The following RNF34 variants were observed in gnomAD, a reference collection of about 807,000 sequenced individuals.
The protein encoded by RNF34 is E3 ubiquitin-protein ligase RNF34.
Under a neutral mutation model 37.9 loss-of-function variants are expected in RNF34, and 12 were observed. The ratio of observed to expected loss-of-function variants is 0.32; its 90% CI spans 0.20 to 0.51. RNF34 has a LOEUF of 0.51. Among genes scored for constraint, RNF34 ranks in the 20% least tolerant of loss-of-function variants. The pLI is 0.97. For synonymous variants in RNF34, 155 were observed against 177.2 expected, an observed-to-expected ratio of 0.87 and a Z score of 1.00; for missense variants, 362 against 472.7, an observed-to-expected ratio of 0.77 and a Z score of 2.17.
At chr12:121,409,104 C>T (rs1330648095) in intron 1 of RNF34, among the ~76,000 whole-genome samples, 5 of 152,038 alleles carry the variant, frequency 3.3e-5, no homozygotes, top group Admixed American at 6.6e-5. Flanking sequence ...CTCAGCCTCT[C>T]GAGTAGCTTG....
intron 1 of RNF34, among the ~76,000 whole-genome samples, chr12:121,403,212 C>G (rs112083066): frequency 2.3e-4 from 35 of 152,150 alleles, no homozygotes; most frequent in African/African-American, 8.4e-4. Flanking sequence ...CTGGCTAACA[C>G]AGTGAAACCC....
intron 1 of RNF34, among the ~76,000 whole-genome samples, chr12:121,408,127 A>G (rs11833355): frequency 0.19 from 29,051 of 152,002 alleles, 4,288 homozygotes; most frequent in African/African-American, 0.41. Flanking sequence ...GCAGCATATC[A>G]AGACCCCGTC....
intron 1 of RNF34, among the ~76,000 whole-genome samples, chr12:121,406,121 G>A (rs989816220): frequency 6.6e-6 from 1 of 152,070 alleles, no homozygotes; most frequent in African/African-American, 2.4e-5. Flanking sequence ...CAAATTGGAT[G>A]TGGAAAAAAG....
chr12:121,404,778 T>G (rs1870359057), intron 1 of RNF34: 1 of 152,206 alleles, frequency 6.6e-6, no homozygotes. Context: ...ATTAAAAGTT[T>G]AGGGTTGAAA....
At chr12:121,412,655 A>G (rs1313385857) in intron 1 of RNF34, among the ~76,000 whole-genome samples, 1 of 151,802 alleles carries the variant, frequency 6.6e-6, no homozygotes, top group Admixed American at 6.6e-5. Context: ...ATGAGATTAC[A>G]GATGTGAGCC....
At chr12:121,400,371 C>T (rs1555279852) in intron 1 of RNF34, among the ~76,000 whole-genome samples, 153 bp downstream of exon 1, 1 of 152,228 alleles carries the variant, frequency 6.6e-6, no homozygotes, top group South Asian at 2.1e-4. Context: ...TTCAGGTGCC[C>T]CAACCGAGCC....
At chr12:121,400,912 C>G (rs183699148) in intron 1 of RNF34, among the ~76,000 whole-genome samples, 66 of 152,296 alleles carry the variant, frequency 4.3e-4, no homozygotes, top group Middle Eastern at 3.4e-3. Flanking sequence ...CGGCCTACTT[C>G]TGAGAGATGA....
At chr12:121,419,274 C>A (rs1442839662) in intron 3 of RNF34, among the ~76,000 whole-genome samples, 1 of 152,218 alleles carries the variant, frequency 6.6e-6, no homozygotes, top group East Asian at 1.9e-4. Flanking sequence ...CGGCCATGCC[C>A]TATAGCCTAG....
intron 5 of RNF34, among the ~76,000 whole-genome samples, chr12:121,421,910 T>C (rs1872202264): frequency 6.6e-6 from 1 of 152,198 alleles, no homozygotes; most frequent in Non-Finnish European, 1.5e-5. Flanking sequence ...ACAGCATTTG[T>C]TGATGAACAG....
At chr12:121,409,484 G>C (rs1870844563) in intron 1 of RNF34, 2 of 152,376 alleles carry the variant, frequency 1.3e-5, no homozygotes, top group South Asian at 4.1e-4. Context: ...TGTCCCAGCT[G>C]AAACAGTGTA....
chr12:121,418,812 G>C (rs534393092), intron 3 of RNF34: 10 of 152,106 alleles, frequency 6.6e-5, no homozygotes, highest in Admixed American at 6.6e-4. Flanking sequence ...CCTCTGCCCC[G>C]CTGGGTTCAA....
At chr12:121,418,128 CA>C in intron 3 of RNF34, 1 of 557,570 alleles carries the variant, frequency 1.8e-6, no homozygotes. Flanking sequence ...TGAAGGGTCC[CA>C]AAATAGCTCA....
chr12:121,400,179 TG>T lies in RNF34; in HGVS notation c.-32del. 2 of 1,606,340 alleles carry T rather than the reference TG, an allele frequency of 1.2e-6. No homozygotes were observed. Among genetic ancestry groups the T allele is most frequent in the Non-Finnish European group, 8.5e-7 (1 of 1,178,268 alleles). ...GGAGCTGCTATGGTGCTGAGTTTCC[TG>T]GTAGAGCCGGCCGAGCTGAGGCGGT... On this transcript the variant is annotated 5_prime_UTR_variant, in exon 1 of 6. It introduces an in-frame stop codon into an upstream open reading frame of the 5' UTR. Transcript: ENST00000361234.
chr12:121,418,251 G>A (rs893609807), intron 3 of RNF34: 3 of 217,030 alleles, frequency 1.4e-5, no homozygotes, highest in Non-Finnish European at 2.7e-5. Context: ...ATGTGTTAGT[G>A]CACGTGTTTC....
intron 1 of RNF34, among the ~76,000 whole-genome samples, chr12:121,403,423 A>G (rs1870195716): frequency 6.6e-6 from 1 of 152,130 alleles, no homozygotes; most frequent in African/African-American, 2.4e-5. Context: ...ACAAAAAAAA[A>G]AAAGGATAAA....
rs1871701785 is a variant in RNF34, at chr12:121,417,700, A to G, written c.422A>G (p.Glu141Gly). ...CCCATAGATACTTGTCGTGAGAAAG[A>G]AGACTTGGTGGATCTAGTACTGTGC... ...NIPIDTCREK[E>G]DLVDLVLCHH... Residue 141 changes from glutamate to glycine, a missense_variant, in exon 3 of 6, where the codon GAA becomes GGA. Physicochemically the swap from Glu to Gly is moderately conservative, Grantham distance 98. Transcript: ENST00000361234. This position sits in a 1 kb window ranked among gnomAD's most constrained non-coding sequence, Gnocchi z 5.0. 6.2e-7 allele frequency: 1 copy of G among 1,614,096 alleles called. No homozygotes were observed. Among genetic ancestry groups the G allele is most frequent in the Admixed American group, 1.7e-5 (1 of 59,992 alleles).
At chr12:121,406,304 T>TG in intron 1 of RNF34, among the ~76,000 whole-genome samples, 1 of 151,894 alleles carries the variant, frequency 6.6e-6, no homozygotes, top group South Asian at 2.1e-4. Flanking sequence ...TTGTTGTTGT[T>TG]TGAGACAGAC....
In RNF34 at chr12:121,417,478, G is replaced by A. The variant is rs1555282333; in HGVS notation, c.226-26G>A. On this transcript the variant is annotated intron_variant, in intron 2 of 5. Coordinates refer to ENST00000361234, the MANE Select transcript of RNF34 (RefSeq NM_025126.4). The surrounding 1 kb of genome is among the most constrained non-coding windows in gnomAD (Gnocchi z 5.0). ...CTTTCATAATGGTTTATATCTTGCTGTCATCAAATGCTTTTCTTTCTTCAG... is the reference window on the plus strand; with the variant it reads ...CTTTCATAATGGTTTATATCTTGCTATCATCAAATGCTTTTCTTTCTTCAG... 1.9e-6 allele frequency: 3 copies of A among 1,588,624 alleles called. No individual in the cohort carries two copies.
chr12:121,412,837 G>T (rs1871214980), intron 1 of RNF34, among the ~76,000 whole-genome samples: 1 of 147,226 alleles, frequency 6.8e-6, no homozygotes, highest in Non-Finnish European at 1.5e-5. Context: ...TAATTCTCCT[G>T]CCTTAGCCTC....
Sources: allele counts gnomAD v4.1 joint callset (sites outside exome capture counted in the v4.1 genomes callset), GRCh38; gene constraint gnomAD v4.1.1; non-coding constraint Gnocchi (gnomAD v3.1); transcripts MANE v1.5; gene names NCBI Gene and HGNC (gene_info 2026-07-23, HGNC 2026-07-21).